The following ALDH18A1 variants were observed in gnomAD, a reference collection of about 807,000 sequenced individuals.
The protein encoded by ALDH18A1 is aldehyde dehydrogenase 18 family member A1.
A neutral mutation model predicts 88.8 loss-of-function variants in ALDH18A1; 44 were observed. The ratio of observed to expected loss-of-function variants is 0.50; its 90% CI spans 0.39 to 0.64. The LOEUF is 0.64. ALDH18A1 is among the 30% of genes least tolerant of loss of function. ALDH18A1 has a pLI of 0.00. For missense variants in ALDH18A1, 782 were observed against 1,009.5 expected, an observed-to-expected ratio of 0.77 and a Z score of 3.05; for synonymous variants, 331 against 372.1, an observed-to-expected ratio of 0.89 and a Z score of 1.27.
At chr10:95,655,676 A>AAG (rs1017175843) in intron 1 of ALDH18A1, among the ~76,000 whole-genome samples, 3 of 70,356 alleles carry the variant, frequency 4.3e-5, no homozygotes, top group Non-Finnish European at 1.1e-4. Flanking sequence ...CCAAGGAGCA[A>AAG]AGAGAGTGTG....
At chr10:95,633,782 G>T in intron 5 of ALDH18A1, 133 bp from the exon 6 acceptor site, 2 of 617,626 alleles carry the variant, frequency 3.2e-6, no homozygotes, top group Non-Finnish European at 5.6e-6. Flanking sequence ...AGATTAGAAT[G>T]AAATACACAT....
intron 15 of ALDH18A1, among the ~76,000 whole-genome samples, chr10:95,613,451 C>CCAGAAA (rs2097839207): frequency 8.1e-6 from 1 of 123,664 alleles, no homozygotes; most frequent in African/African-American, 2.7e-5. Context: ...TATAAGGTTG[C>CCAGAAA]CAGAAACAGT....
At chr10:95,619,189 T>C (rs1170110160) in intron 12 of ALDH18A1, among the ~76,000 whole-genome samples, 1 of 152,150 alleles carries the variant, frequency 6.6e-6, no homozygotes, top group African/African-American at 2.4e-5. Flanking sequence ...CCATTCACAA[T>C]TGCTACAAAG....
At chr10:95,620,414 C>T (rs918185596) in intron 12 of ALDH18A1, among the ~76,000 whole-genome samples, 1 of 152,310 alleles carries the variant, frequency 6.6e-6, no homozygotes, top group Non-Finnish European at 1.5e-5. Context: ...CGATTTGACC[C>T]AGCCATCCCA....
chr10:95,618,123 G>A (rs1378451765), intron 12 of ALDH18A1, among the ~76,000 whole-genome samples: 1 of 152,158 alleles, frequency 6.6e-6, no homozygotes, highest in African/African-American at 2.4e-5. Flanking sequence ...TGGGGCTAGT[G>A]CAAAGGAAGA....
chr10:95,610,376 G>C (rs544907804), intron 16 of ALDH18A1, 84 bp from the exon 17 acceptor site: 2 of 1,393,590 alleles, frequency 1.4e-6, no homozygotes, highest in Non-Finnish European at 2.0e-6. Flanking sequence ...TGACAGATCA[G>C]GGCAGGGTCT....
chr10:95,642,852 AAC>A, intron 3 of ALDH18A1, 138 bp downstream of exon 3: 2 of 925,738 alleles, frequency 2.2e-6, no homozygotes, highest in South Asian at 1.5e-5. Context: ...TACAGTGGGA[AAC>A]AGTTTTCACA....
rs776600555 is a variant in ALDH18A1, at chr10:95,633,668, T to C, written c.559-19A>G. The C allele has an allele frequency of 2.5e-6, 4 of 1,613,644 alleles. No individual in the cohort carries two copies. The highest frequency in any genetic ancestry group is 3.4e-6 in the Non-Finnish European group (4 of 1,179,724). Reference sequence around the variant, plus strand: ...CCAAAATCTAAAAGGATTAAATAGATGGAAAATGCATGAGGGAGAAAAACG... The same window carrying C: ...CCAAAATCTAAAAGGATTAAATAGACGGAAAATGCATGAGGGAGAAAAACG... On this transcript the variant is annotated intron_variant, in intron 5 of 17. Transcript: ENST00000371224.
At chr10:95,614,354 A>G (rs1273426587) in intron 13 of ALDH18A1, among the ~76,000 whole-genome samples, 193 bp from the exon 14 acceptor site, 2 of 152,240 alleles carry the variant, frequency 1.3e-5, no homozygotes, top group African/African-American at 4.8e-5. Context: ...TGCTTATCAA[A>G]CACTATATAC....
At chr10:95,636,585 T>C (rs1019313803) in intron 5 of ALDH18A1, among the ~76,000 whole-genome samples, 3 of 152,198 alleles carry the variant, frequency 2.0e-5, no homozygotes, top group Admixed American at 2.0e-4. Context: ...AGGTACACCA[T>C]AGGTGCTCAA....
At chr10:95,653,497 A>G (rs1297125080) in intron 1 of ALDH18A1, 92 bp from the exon 2 acceptor site, 11 of 1,075,376 alleles carry the variant, frequency 1.0e-5, no homozygotes, top group Non-Finnish European at 1.5e-5. Flanking sequence ...CGGAGTAAAA[A>G]TCTGACTCTC....
intron 3 of ALDH18A1, among the ~76,000 whole-genome samples, chr10:95,638,863 T>G (rs2097886033): frequency 6.6e-6 from 1 of 151,888 alleles, no homozygotes; most frequent in African/African-American, 2.4e-5. Flanking sequence ...AAACCATGAT[T>G]TAAAACAATA....
chr10:95,651,227 T>C (rs2097909926), intron 2 of ALDH18A1, among the ~76,000 whole-genome samples: 1 of 152,182 alleles, frequency 6.6e-6, no homozygotes. Context: ...TCAATATCAT[T>C]AGCTATTAGG....
At chr10:95,647,056 C>CTT (rs879517300) in intron 2 of ALDH18A1, among the ~76,000 whole-genome samples, 1 of 151,644 alleles carries the variant, frequency 6.6e-6, no homozygotes, top group East Asian at 1.9e-4. Context: ...CCTTTCTTTT[C>CTT]TTTTTTTTTC....
At chr10:95,608,621 C>T (rs2097827209) in intron 17 of ALDH18A1, among the ~76,000 whole-genome samples, 1 of 152,220 alleles carries the variant, frequency 6.6e-6, no homozygotes, top group Non-Finnish European at 1.5e-5. Context: ...CTTGCCTCAG[C>T]CTCCTGAGTA....
At chr10:95,623,080 C>T (rs1400075620) in intron 11 of ALDH18A1, among the ~76,000 whole-genome samples, 7 of 150,966 alleles carry the variant, frequency 4.6e-5, no homozygotes, top group African/African-American at 1.7e-4. Flanking sequence ...AGCAACTGAC[C>T]TTATATTAAG....
Position 95,614,053 on chromosome 10 carries a change from T to TA in ALDH18A1, c.1713dup (p.Lys572Ter). On this transcript the variant is annotated frameshift_variant, in exon 14 of 18. Transcript: ENST00000371224. LOFTEE classifies it high-confidence loss of function. ...CTGTGCCCCATCACTGGAATCCCCT[T>TA]AGCAGCTTTCTGGATGTCTCTGACC... 6.2e-7 allele frequency: 1 copy of TA among 1,614,214 alleles called. No homozygotes were observed. Among genetic ancestry groups the TA allele is most frequent in the Non-Finnish European group, 8.5e-7 (1 of 1,180,020 alleles).
Position 95,606,098 on chromosome 10 carries a change from G to T in ALDH18A1, c.*664C>A. 7.6e-6 allele frequency: 2 copies of T among 264,708 alleles called. No individual in the cohort carries two copies. Among genetic ancestry groups the T allele is most frequent in the Non-Finnish European group, 1.2e-5 (2 of 170,488 alleles). 16.4% of individuals were successfully genotyped at this position (264,708 alleles called of 1,614,324 possible). On this transcript the variant is annotated 3_prime_UTR_variant, in exon 18 of 18. Transcript: ENST00000371224. Reference sequence around the variant, plus strand: ...TGTAGATATTCCTCCAGCTCAGTGGGGAACATCCTGAAACTTGCATCTCCT... The same window carrying T: ...TGTAGATATTCCTCCAGCTCAGTGGTGAACATCCTGAAACTTGCATCTCCT...
intron 10 of ALDH18A1, 138 bp from the exon 11 acceptor site, chr10:95,625,593 A>G: frequency 1.4e-6 from 1 of 698,276 alleles, no homozygotes; most frequent in Non-Finnish European, 2.5e-6. Context: ...AAATCTCCTG[A>G]CTTCCCATCA....
Sources: allele counts gnomAD v4.1 joint callset (sites outside exome capture counted in the v4.1 genomes callset), GRCh38; gene constraint gnomAD v4.1.1; transcripts MANE v1.5; gene names NCBI Gene and HGNC (gene_info 2026-07-23, HGNC 2026-07-21).